MYLK: variants seen among roughly 807,000 people sequenced by gnomAD.
The protein encoded by MYLK is myosin light chain kinase, smooth muscle.
Under a neutral mutation model 203.4 loss-of-function variants are expected in MYLK, and 106 were observed. The observed-to-expected ratio is 0.52, with a 90% CI of 0.45 to 0.61. The LOEUF is 0.61. Among genes scored for constraint, MYLK ranks in the 20% least tolerant of loss-of-function variants. MYLK has a pLI of 0.00. For missense variants in MYLK, 2,072 were observed against 2,442.3 expected (o/e 0.85, Z 3.20); for synonymous variants, 867 against 959.5 (o/e 0.90, Z 1.78).
At chr3:123,788,313 C>T (rs980067902) in intron 4 of MYLK, among the ~76,000 whole-genome samples, 1 of 151,998 alleles carries the variant, frequency 6.6e-6, no homozygotes, top group African/African-American at 2.4e-5. Flanking sequence ...AGAACCACAT[C>T]ATTAAGACTC....
intron 23 of MYLK, among the ~76,000 whole-genome samples, chr3:123,661,176 T>C (rs42420): frequency 0.93 from 140,945 of 152,214 alleles, 66,153 homozygotes; most frequent in East Asian, 1. Flanking sequence ...GCAGCCCGCG[T>C]AGTGGTGATC....
intron 2 of MYLK, among the ~76,000 whole-genome samples, chr3:123,860,980 A>C (rs897893197): frequency 6.6e-6 from 1 of 152,030 alleles, no homozygotes; most frequent in Non-Finnish European, 1.5e-5. Flanking sequence ...AATACAAAAA[A>C]TTAGCCGGGC....
At chr3:123,634,563 G>A (rs2058567016) in intron 29 of MYLK, among the ~76,000 whole-genome samples, 1 of 152,222 alleles carries the variant, frequency 6.6e-6, no homozygotes, top group Non-Finnish European at 1.5e-5. Context: ...GGTGGGTGTT[G>A]GACAAACAAA....
chr3:123,746,448 T>A (rs189118503), intron 5 of MYLK, among the ~76,000 whole-genome samples: 16 of 149,508 alleles, frequency 1.1e-4, no homozygotes, highest in African/African-American at 3.9e-4. Flanking sequence ...GGAGGGAGCA[T>A]CAGTAGCAAA....
At chr3:123,753,242 T>G (rs1214533387) in intron 4 of MYLK, among the ~76,000 whole-genome samples, 4 of 152,230 alleles carry the variant, frequency 2.6e-5, no homozygotes, top group Non-Finnish European at 5.9e-5. Flanking sequence ...GGATTAGATG[T>G]TGAAAAGTAG....
At chr3:123,775,533 T>C (rs1319033398) in intron 4 of MYLK, among the ~76,000 whole-genome samples, 2 of 152,226 alleles carry the variant, frequency 1.3e-5, no homozygotes, top group Non-Finnish European at 2.9e-5. Flanking sequence ...GCACCTGCCT[T>C]AGGATGCTCA....
chr3:123,658,776 C>T (rs146212233), intron 23 of MYLK, among the ~76,000 whole-genome samples: 50 of 152,306 alleles, frequency 3.3e-4, no homozygotes, highest in African/African-American at 1.1e-3. Flanking sequence ...GCAAATGACC[C>T]TGTGTATATG....
At position 123,813,469 on chromosome 3, in the gene MYLK, G is replaced by A. The variant is rs570227989; in HGVS notation, c.-4+18079C>T. On this transcript the variant is annotated intron_variant, in intron 3 of 33. Coordinates refer to ENST00000360304, the MANE Select transcript of MYLK (RefSeq NM_053025.4). ...ACCTGGGCCACTTCTCCATCAGGCT[G>A]GGCCCACCTCTGCGTCAGGGAATCT... is the stretch of plus-strand genomic sequence containing the variant. 2.6e-5 allele frequency among the ~76,000 whole-genome samples: 4 copies of A among 151,904 alleles called. No individual in the cohort carries two copies. In the South Asian group the frequency reaches 8.3e-4, roughly 32 times the overall value.
chr3:123,881,686 T>G (rs2033550603), intron 1 of MYLK, among the ~76,000 whole-genome samples: 1 of 152,152 alleles, frequency 6.6e-6, no homozygotes, highest in Non-Finnish European at 1.5e-5. Flanking sequence ...ACAAGCCAAC[T>G]AGTTGTGTTT....
chr3:123,881,842 C>T (rs560399589), intron 1 of MYLK, among the ~76,000 whole-genome samples: 15 of 152,264 alleles, frequency 9.9e-5, no homozygotes, highest in Non-Finnish European at 1.8e-4. Context: ...AGAACCTTTC[C>T]CCACCCTTGG....
intron 20 of MYLK, among the ~76,000 whole-genome samples, chr3:123,679,189 C>T (rs551374723): frequency 4.5e-4 from 68 of 152,042 alleles, no homozygotes; most frequent in African/African-American, 1.6e-3. Context: ...CAGCTGTAGT[C>T]CCAGCTACTA....
At chr3:123,866,167 A>G (rs1452553537) in intron 2 of MYLK, among the ~76,000 whole-genome samples, 1 of 152,216 alleles carries the variant, frequency 6.6e-6, no homozygotes. Flanking sequence ...ACCCCAGAGC[A>G]TAACAAAATG....
In MYLK at chr3:123,612,860, T is replaced by G. The variant is rs991139468; in HGVS notation, c.*1245A>C. 6.6e-6 allele frequency: 1 copy of G among 152,512 alleles called. No homozygotes were observed. 9.4% of individuals were successfully genotyped at this position (152,512 alleles called of 1,614,324 possible). A position where few individuals can be genotyped will look rare whatever the true frequency, so the allele number is the denominator to read the frequency against. The stretch of plus-strand genomic sequence containing the variant: ...ATGTTACACACACACACAGAGGAAA[T>G]GTATTAGGTCTATCATCAATTATGG... On this transcript the variant is annotated 3_prime_UTR_variant, in exon 34 of 34. Coordinates refer to ENST00000360304, the MANE Select transcript of MYLK (RefSeq NM_053025.4).
intron 19 of MYLK, chr3:123,692,165 C>G (rs2060700165): frequency 3.0e-6 from 1 of 328,316 alleles, no homozygotes; most frequent in African/African-American, 2.2e-5. Flanking sequence ...CCTGGCAGGC[C>G]TGCTTTCTCC....
intron 19 of MYLK, among the ~76,000 whole-genome samples, chr3:123,687,514 T>C (rs1450130907): frequency 6.6e-6 from 1 of 152,192 alleles, no homozygotes; most frequent in Non-Finnish European, 1.5e-5. Flanking sequence ...GACCTCAATG[T>C]TGGCAAACCC....
chr3:123,732,790 C>T (rs2062526729), intron 11 of MYLK, 106 bp downstream of exon 11: 8 of 1,125,480 alleles, frequency 7.1e-6, no homozygotes, highest in African/African-American at 1.5e-5. Flanking sequence ...TCGGGCTGTG[C>T]ACCAAGGCAG....
chr3:123,746,403 G>A (rs2108850224), intron 5 of MYLK, among the ~76,000 whole-genome samples: 1 of 152,184 alleles, frequency 6.6e-6, no homozygotes. Context: ...GGGTGGAGAT[G>A]GGAGAAGGAG....
chr3:123,827,004 T>C (rs1290907307), intron 3 of MYLK, among the ~76,000 whole-genome samples: 1 of 151,906 alleles, frequency 6.6e-6, no homozygotes, highest in African/African-American at 2.4e-5. Flanking sequence ...AACACAACCA[T>C]AAAAAAATCA....
At chr3:123,660,433 C>T (rs1004268984) in intron 23 of MYLK, among the ~76,000 whole-genome samples, 5 of 152,260 alleles carry the variant, frequency 3.3e-5, no homozygotes, top group Non-Finnish European at 5.9e-5. Flanking sequence ...GGTGAGTGAC[C>T]TTAAGGAATC....
Sources: allele counts gnomAD v4.1 joint callset (sites outside exome capture counted in the v4.1 genomes callset), GRCh38; gene constraint gnomAD v4.1.1; transcripts MANE v1.5; gene names NCBI Gene and HGNC (gene_info 2026-07-23, HGNC 2026-07-21).